The following TLN2 variants were observed in gnomAD, a reference collection of about 807,000 sequenced individuals.
TLN2 encodes the protein talin 2.
Under a neutral mutation model 294.7 loss-of-function variants are expected in TLN2, and 118 were observed. That is an observed-to-expected ratio of 0.40 (90% confidence interval 0.34 to 0.47). TLN2 has a LOEUF of 0.47. Ranked by LOEUF, TLN2 falls within the 20% of genes least tolerant of loss-of-function variation. TLN2 has a pLI of 0.84. For synonymous variants in TLN2, 1,431 were observed against 1,304.5 expected, an observed-to-expected ratio of 1.10 and a Z score of -2.09; for missense variants, 3,083 against 3,282.2, an observed-to-expected ratio of 0.94 and a Z score of 1.48.
chr15:62,553,401 C>T (rs1386071578), intron 1 of TLN2, among the ~76,000 whole-genome samples: 1 of 152,118 alleles, frequency 6.6e-6, no homozygotes, highest in Non-Finnish European at 1.5e-5. Context: ...AGGAGAATCA[C>T]TTGAACCCAG....
intron 27 of TLN2, among the ~76,000 whole-genome samples, chr15:62,726,003 C>T (rs2060419330): frequency 6.6e-6 from 1 of 152,156 alleles, no homozygotes; most frequent in Non-Finnish European, 1.5e-5. Context: ...AACTCAGGCT[C>T]AGAGAGGTTA....
intron 54 of TLN2, among the ~76,000 whole-genome samples, chr15:62,825,789 T>TATATTATATTATATAATATTA (rs1491491748): frequency 1.2e-5 from 1 of 83,612 alleles, no homozygotes; most frequent in African/African-American, 7.2e-5. Context: ...ATATTATATA[T>TATATTATATTATATAATATTA]TATAATATAT....
intron 34 of TLN2, 38 bp downstream of exon 34, chr15:62,750,529 G>T: frequency 1.3e-6 from 2 of 1,563,994 alleles, no homozygotes; most frequent in Non-Finnish European, 1.8e-6. Context: ...AGTTAGCATT[G>T]CTTGTCAATG....
chr15:62,650,063 T>G (rs201729730), intron 4 of TLN2, 21 bp from the exon 5 acceptor site: 2 of 1,613,388 alleles, frequency 1.2e-6, no homozygotes, highest in Non-Finnish European at 1.7e-6. Context: ...CCTTCTGTTT[T>G]TCTTCCCATT....
chr15:62,827,671 G>C (rs1448731945), intron 54 of TLN2: 1 of 152,164 alleles, frequency 6.6e-6, no homozygotes, highest in Non-Finnish European at 1.5e-5. Flanking sequence ...GCTGTAATCA[G>C]AAATAGCAAG....
chr15:62,792,924 C>A, intron 46 of TLN2, 137 bp downstream of exon 46: 1 of 1,378,178 alleles, frequency 7.3e-7, no homozygotes, highest in Non-Finnish European at 9.8e-7. Context: ...ATCTTCCCCA[C>A]TGCCCAGGTT....
intron 3 of TLN2, among the ~76,000 whole-genome samples, chr15:62,631,728 C>T (rs2049922414): frequency 6.8e-6 from 1 of 147,952 alleles, no homozygotes; most frequent in Non-Finnish European, 1.5e-5. Flanking sequence ...CCTCCTCCCG[C>T]TTTTTCTTCT....
In TLN2 at chr15:62,404,827, A is replaced by T. The variant is rs570649267; in HGVS notation, c.-238+14142A>T. On this transcript the variant is annotated intron_variant, in intron 1 of 58. Transcript: ENST00000636159. ...ACCTGTCACTCCTAGGCTCTCCCTGATGGAGTTAAAGGAGCTTGCCCTGTG... is the reference window on the plus strand; with the variant it reads ...ACCTGTCACTCCTAGGCTCTCCCTGTTGGAGTTAAAGGAGCTTGCCCTGTG... Among the ~76,000 whole-genome samples the T allele has an allele frequency of 5.9e-5, 9 of 152,214 alleles. No individual in the cohort carries two copies. The South Asian group carries it at 1.7e-3, about 28-fold the overall frequency.
intron 1 of TLN2, among the ~76,000 whole-genome samples, chr15:62,560,931 G>C (rs2042908341): frequency 2.0e-5 from 3 of 152,206 alleles, no homozygotes; most frequent in Admixed American, 2.0e-4. Context: ...CCTAAAGAGT[G>C]GTGCCCACTT....
chr15:62,636,802 T>C (rs2050426805), intron 3 of TLN2, among the ~76,000 whole-genome samples: 1 of 152,182 alleles, frequency 6.6e-6, no homozygotes, highest in African/African-American at 2.4e-5. Flanking sequence ...GCAGATGTCC[T>C]TCAGTGGGGG....
chr15:62,738,097 G>A (rs2061126917), intron 29 of TLN2, 117 bp from the exon 30 acceptor site: 1 of 1,163,606 alleles, frequency 8.6e-7, no homozygotes, highest in Non-Finnish European at 1.2e-6. Flanking sequence ...AGTGGCAGGT[G>A]GATGCTGGTG....
Position 62,835,903 on chromosome 15 carries a change from G to A in TLN2, c.7204G>A (p.Ala2402Thr), listed in dbSNP as rs1375391273. The change falls in exon 57 of 59, where the codon GCG (alanine) becomes ACG (threonine). Residue 2402 changes from alanine to threonine, a missense_variant. Physicochemically the swap from Ala to Thr is moderately conservative, Grantham distance 58 (BLOSUM62 0). Transcript: ENST00000636159. ...TGACTGTCCCCAGGCCCGGATGGTG[G>A]CGGCTGCGACCAGCAGTCTCTGTGA... Reference protein sequence around the residue: ...QGLISAARMVAAATSSLCEAA... With the variant: ...QGLISAARMVTAATSSLCEAA... The A allele has an allele frequency of 6.2e-7, 1 of 1,614,220 alleles. No individual in the cohort carries two copies. The highest frequency in any genetic ancestry group is 2.2e-5 in the East Asian group (1 of 44,868).
At chr15:62,770,931 T>TACATCTCTG (rs1281282410) in intron 41 of TLN2, 33 bp from the exon 42 acceptor site, 32 of 1,584,858 alleles carry the variant, frequency 2.0e-5, no homozygotes, top group Non-Finnish European at 2.6e-5. Context: ...ATTTACATGA[T>TACATCTCTG]ACATCTCTGG....
At chr15:62,604,892 G>GCCTCCTCCT (rs539174724) in intron 2 of TLN2, among the ~76,000 whole-genome samples, 1 of 151,300 alleles carries the variant, frequency 6.6e-6, no homozygotes, top group Non-Finnish European at 1.5e-5. Context: ...CGCTGCCGCC[G>GCCTCCTCCT]CCTCCTCCTC....
chr15:62,670,395 C>G (rs376918192), intron 9 of TLN2, among the ~76,000 whole-genome samples: 11 of 152,198 alleles, frequency 7.2e-5, no homozygotes, highest in African/African-American at 2.2e-4. Context: ...GTCTTTACCT[C>G]TCTGAAACTC....
chr15:62,485,966 G>T (rs538703317), intron 1 of TLN2, among the ~76,000 whole-genome samples: 2 of 151,674 alleles, frequency 1.3e-5, no homozygotes, highest in Non-Finnish European at 2.9e-5. Context: ...TGTTTTGAGC[G>T]TGTTGTTTTA....
chr15:62,646,684 C>T (rs903799020), intron 3 of TLN2, among the ~76,000 whole-genome samples: 1 of 152,092 alleles, frequency 6.6e-6, no homozygotes, highest in Non-Finnish European at 1.5e-5. Context: ...TCATTATAGC[C>T]ACTTTATTTG....
intron 1 of TLN2, among the ~76,000 whole-genome samples, chr15:62,488,000 C>T (rs2038502014): frequency 6.6e-6 from 1 of 151,964 alleles, no homozygotes; most frequent in African/African-American, 2.4e-5. Context: ...ATCACTTGAG[C>T]CCAGGAGAGA....
chr15:62,827,074 G>GT (rs1567691448), intron 54 of TLN2, among the ~76,000 whole-genome samples: 2 of 151,738 alleles, frequency 1.3e-5, no homozygotes, highest in African/African-American at 2.4e-5. Context: ...TTCCCTCAAA[G>GT]TAAGTTTTCA....
Sources: allele counts gnomAD v4.1 joint callset (sites outside exome capture counted in the v4.1 genomes callset), GRCh38; gene constraint gnomAD v4.1.1; transcripts MANE v1.5; gene names NCBI Gene and HGNC (gene_info 2026-07-23, HGNC 2026-07-21).